Variants in KLHL4 observed in about 807,000 individuals in gnomAD.
KLHL4 encodes kelch like family member 4, also known as kelch-like protein 4.
In KLHL4, 17 loss-of-function variants were observed where a neutral mutation model predicts 45.8. The observed-to-expected ratio is 0.37, with a 90% CI of 0.25 to 0.56. The LOEUF is 0.56. KLHL4 is among the 20% of genes least tolerant of loss of function. The pLI is 0.79. For missense variants in KLHL4, 544 were observed against 544.9 expected (o/e 1.00, Z 0.02); for synonymous variants, 224 against 189.9 (o/e 1.18, Z -1.47).
intron 5 of KLHL4, among the ~76,000 whole-genome samples, chrX:87,623,830 A>G (rs1178873894): frequency 1.8e-5 from 2 of 111,774 alleles, no homozygotes; most frequent in East Asian, 2.8e-4. Flanking sequence ...TTTAGAATCT[A>G]TGGAAATTTT....
At chrX:87,631,366 A>G (rs1450976023) in intron 6 of KLHL4, among the ~76,000 whole-genome samples, 1 of 111,467 alleles carries the variant, frequency 9.0e-6, no homozygotes. Context: ...GTTAGAAAAT[A>G]AATGATTTGG....
At chrX:87,615,338 G>A (rs1018195150) in intron 3 of KLHL4, among the ~76,000 whole-genome samples, 1 of 111,474 alleles carries the variant, frequency 9.0e-6, no homozygotes, top group Non-Finnish European at 1.9e-5. Context: ...GCACTATTAA[G>A]TTTGCATTTT....
At chrX:87,529,902 A>G (rs940992558) in intron 1 of KLHL4, among the ~76,000 whole-genome samples, 1 of 112,122 alleles carries the variant, frequency 8.9e-6, no homozygotes, top group Admixed American at 9.5e-5. Context: ...ATCCAGAGGC[A>G]CTTAATGTTC....
chrX:87,649,829 A>G (rs777747751), intron 9 of KLHL4, among the ~76,000 whole-genome samples: 34 of 111,174 alleles, frequency 3.1e-4, no homozygotes, highest in Non-Finnish European at 3.8e-4. Context: ...CATATATGTA[A>G]GGGTTTATTT....
chrX:87,536,913 A>G (rs1042437104), intron 1 of KLHL4, among the ~76,000 whole-genome samples: 4 of 111,856 alleles, frequency 3.6e-5, no homozygotes, highest in Non-Finnish European at 5.7e-5. Context: ...TCATTGTAAC[A>G]TAAGTTTAAA....
At chrX:87,610,296 A>G (rs779642729) in intron 1 of KLHL4, among the ~76,000 whole-genome samples, 40 of 112,374 alleles carry the variant, frequency 3.6e-4, no homozygotes, top group African/African-American at 1.3e-3. Context: ...TTCCTAAAAT[A>G]GTTCTGTTCA....
intron 1 of KLHL4, among the ~76,000 whole-genome samples, chrX:87,589,156 C>G (rs1921578503): frequency 8.9e-6 from 1 of 111,809 alleles, no homozygotes; most frequent in Non-Finnish European, 1.9e-5. Context: ...CAGTCAATAA[C>G]AAATGCTGGT....
chrX:87,521,455 A>T (rs991961697), intron 1 of KLHL4, among the ~76,000 whole-genome samples: 1 of 111,802 alleles, frequency 8.9e-6, no homozygotes, highest in Non-Finnish European at 1.9e-5. Context: ...GTTTTCATTG[A>T]ATCATTGAAT....
chrX:87,605,965 C>T (rs1002952565), intron 1 of KLHL4, among the ~76,000 whole-genome samples: 3 of 110,675 alleles, frequency 2.7e-5, no homozygotes, highest in Non-Finnish European at 5.7e-5. Context: ...TTATTAAATA[C>T]TTTTTCTGTG....
At chrX:87,585,651 A>G (rs1921447915) in intron 1 of KLHL4, among the ~76,000 whole-genome samples, 1 of 111,534 alleles carries the variant, frequency 9.0e-6, no homozygotes, top group African/African-American at 3.2e-5. Flanking sequence ...AAACAAAATT[A>G]TATCACCAGA....
intron 6 of KLHL4, among the ~76,000 whole-genome samples, chrX:87,629,468 A>G (rs1923033059): frequency 9.0e-6 from 1 of 110,661 alleles, no homozygotes; most frequent in Non-Finnish European, 1.9e-5. Context: ...TTATGGGATC[A>G]TTTTATCTTT....
At chrX:87,545,261 T>C (rs1021134108) in intron 1 of KLHL4, among the ~76,000 whole-genome samples, 14 of 111,924 alleles carry the variant, frequency 1.3e-4, no homozygotes, top group African/African-American at 4.5e-4. Context: ...GAGACTGATA[T>C]TGTTTGGCTT....
chrX:87,666,682 G>C lies in KLHL4; in HGVS notation c.*148G>C. The C allele has an allele frequency of 4.1e-6, 4 of 984,305 alleles. No individual in the cohort carries two copies. Among genetic ancestry groups the C allele is most frequent in the Non-Finnish European group, 5.1e-6 (4 of 780,619 alleles). The allele number at this position is 984,305 out of a possible 1,213,427, so 81.1% of individuals were successfully genotyped here. On this transcript the variant is annotated 3_prime_UTR_variant, in exon 11 of 11. Transcript: ENST00000373119. ...ATCATTTTAATTTGTAGTTACAATT[G>C]CTTTCATTCGTGAAGCCGAAACGTT...
At chrX:87,644,755 C>G (rs1923576517) in intron 9 of KLHL4, among the ~76,000 whole-genome samples, 1 of 111,064 alleles carries the variant, frequency 9.0e-6, no homozygotes, top group Admixed American at 9.6e-5. Context: ...AACTCAAATG[C>G]AGCCAACTGA....
chrX:87,529,482 A>G (rs963144114), intron 1 of KLHL4, among the ~76,000 whole-genome samples: 7 of 101,514 alleles, frequency 6.9e-5, no homozygotes, highest in African/African-American at 2.4e-4. Context: ...CTGGAAGAGA[A>G]AAGTATTCCT....
At chrX:87,572,530 A>G (rs1284840893) in intron 1 of KLHL4, among the ~76,000 whole-genome samples, 1 of 110,380 alleles carries the variant, frequency 9.1e-6, no homozygotes, top group Non-Finnish European at 1.9e-5. Flanking sequence ...TTTATAGTCC[A>G]CTCTTTTCAG....
chrX:87,642,239 C>A, intron 9 of KLHL4, among the ~76,000 whole-genome samples: 1 of 111,402 alleles, frequency 9.0e-6, no homozygotes, highest in Non-Finnish European at 1.9e-5. Context: ...CCCCCCAGTA[C>A]CAGCCTGGAT....
chrX:87,625,837 T>C (rs375911367), intron 6 of KLHL4, 41 bp downstream of exon 6: 1 of 1,029,302 alleles, frequency 9.7e-7, no homozygotes, highest in Non-Finnish European at 1.3e-6. Context: ...AAAAGATACA[T>C]TCTTAACAGC....
intron 7 of KLHL4, among the ~76,000 whole-genome samples, 171 bp downstream of exon 7, chrX:87,632,605 G>A (rs1458405192): frequency 1.8e-5 from 2 of 111,514 alleles, no homozygotes; most frequent in Non-Finnish European, 3.8e-5. Context: ...TGTTATTGTT[G>A]CAGGTTACTC....
Sources: allele counts gnomAD v4.1 joint callset (sites outside exome capture counted in the v4.1 genomes callset), GRCh38; gene constraint gnomAD v4.1.1; transcripts MANE v1.5; gene names NCBI Gene and HGNC (gene_info 2026-07-23, HGNC 2026-07-21).